The following CSMD1 variants were observed in gnomAD, a reference collection of about 807,000 sequenced individuals.
CSMD1 encodes the protein CUB and Sushi multiple domains 1, also known as CUB and sushi domain-containing protein 1.
Under a neutral mutation model 417.5 loss-of-function variants are expected in CSMD1, and 213 were observed. That is an observed-to-expected ratio of 0.51 (90% confidence interval 0.46 to 0.57). CSMD1 has a LOEUF of 0.57. Ranked by LOEUF, CSMD1 falls within the 20% of genes least tolerant of loss-of-function variation. CSMD1 has a pLI of 0.00. For synonymous variants in CSMD1, 2,862 were observed against 1,736.8 expected (o/e 1.65, Z -16.11); for missense variants, 6,923 against 4,529.7 (o/e 1.53, Z -15.17).
intron 7 of CSMD1, among the ~76,000 whole-genome samples, chr8:3,632,116 C>G (rs572117413): frequency 6.6e-6 from 1 of 152,100 alleles, no homozygotes; most frequent in African/African-American, 2.4e-5. Context: ...TAAAATTGAG[C>G]AAACATTTTC....
intron 1 of CSMD1, among the ~76,000 whole-genome samples, chr8:4,816,696 C>T (rs987101709): frequency 6.6e-6 from 1 of 152,116 alleles, no homozygotes; most frequent in Non-Finnish European, 1.5e-5. Flanking sequence ...ACTTAAACTT[C>T]TACAAAGAAG....
chr8:3,687,028 G>C (rs1214880387), intron 7 of CSMD1, among the ~76,000 whole-genome samples: 3 of 152,138 alleles, frequency 2.0e-5, no homozygotes, highest in Non-Finnish European at 4.4e-5. Context: ...AGTAGGGGTG[G>C]ATGGCAGATG....
At chr8:4,095,256 G>C (rs1800943527) in intron 3 of CSMD1, among the ~76,000 whole-genome samples, 1 of 152,156 alleles carries the variant, frequency 6.6e-6, no homozygotes, top group African/African-American at 2.4e-5. Context: ...TTCCCTAAGA[G>C]GTTCCTCCGA....
intron 1 of CSMD1, chr8:4,788,360 T>A (rs1036357838): frequency 1.3e-6 from 2 of 1,482,984 alleles, no homozygotes; most frequent in East Asian, 4.6e-5. Flanking sequence ...TTATCACCTG[T>A]CCTCCCCTCA....
At chr8:4,326,980 G>A (rs1238327091) in intron 3 of CSMD1, among the ~76,000 whole-genome samples, 1 of 152,082 alleles carries the variant, frequency 6.6e-6, no homozygotes, top group African/African-American at 2.4e-5. Flanking sequence ...GTTAATGAAG[G>A]AACCTGAGAA....
At chr8:3,603,672 T>C (rs1563191287) in intron 8 of CSMD1, among the ~76,000 whole-genome samples, 1 of 152,252 alleles carries the variant, frequency 6.6e-6, no homozygotes, top group South Asian at 2.1e-4. Context: ...CAAACTTGAA[T>C]GTTTTTAAAA....
intron 3 of CSMD1, among the ~76,000 whole-genome samples, chr8:4,333,698 A>T (rs955933946): frequency 6.6e-6 from 1 of 152,100 alleles, no homozygotes; most frequent in Non-Finnish European, 1.5e-5. Context: ...TTTAATGAGA[A>T]AGAGTTGTAG....
Position 4,004,862 on chromosome 8 carries a change from A to G in CSMD1, c.611-6752T>C, listed in dbSNP as rs544982623. Among the ~76,000 whole-genome samples, 2 of 152,164 alleles carry G rather than the reference A, an allele frequency of 1.3e-5. 1 individual carries two copies. The highest frequency in any genetic ancestry group is 4.2e-4 in the South Asian group (2 of 4,818). On this transcript the variant is annotated intron_variant, in intron 4 of 69. Coordinates refer to ENST00000635120, the MANE Select transcript of CSMD1 (RefSeq NM_033225.6). ...CGGGTTCACGCCATTCTCCTGCCTC[A>G]GCCTCCCGAGTAGCTGGGACTACAG...
intron 25 of CSMD1, among the ~76,000 whole-genome samples, chr8:3,301,541 C>T (rs1442399): frequency 0.11 from 17,250 of 152,026 alleles, 1,064 homozygotes; most frequent in Middle Eastern, 0.14. Flanking sequence ...TTGCTGAGCC[C>T]TAAGAGATGG....
chr8:4,581,121 C>A (rs889982281), intron 2 of CSMD1, among the ~76,000 whole-genome samples: 1 of 151,964 alleles, frequency 6.6e-6, no homozygotes, highest in Non-Finnish European at 1.5e-5. Context: ...TGAAAATGAA[C>A]GGTAGAAAGA....
intron 50 of CSMD1, among the ~76,000 whole-genome samples, chr8:3,039,580 A>G (rs1810948247): frequency 6.7e-6 from 1 of 150,314 alleles, no homozygotes; most frequent in Middle Eastern, 3.4e-3. Context: ...CTCATACATT[A>G]TGACAATAAA....
chr8:3,402,171 C>T (rs540868888), intron 15 of CSMD1, among the ~76,000 whole-genome samples: 1 of 152,114 alleles, frequency 6.6e-6, no homozygotes, highest in Non-Finnish European at 1.5e-5. Flanking sequence ...TGTGATAGTG[C>T]ACAACACTAA....
chr8:4,824,928 G>A (rs530078788), intron 1 of CSMD1, among the ~76,000 whole-genome samples: 4 of 152,188 alleles, frequency 2.6e-5, no homozygotes, highest in Non-Finnish European at 2.9e-5. Context: ...CTAACGTAAA[G>A]CCAAGACATT....
intron 26 of CSMD1, among the ~76,000 whole-genome samples, chr8:3,263,193 G>C (rs1323529420): frequency 6.6e-6 from 1 of 152,120 alleles, no homozygotes; most frequent in Non-Finnish European, 1.5e-5. Context: ...CTGCCTCCTG[G>C]GTTCAAGCGA....
intron 1 of CSMD1, among the ~76,000 whole-genome samples, chr8:4,920,385 TG>T (rs1806357232): frequency 6.6e-6 from 1 of 152,232 alleles, no homozygotes; most frequent in African/African-American, 2.4e-5. Context: ...ATGGAAATGC[TG>T]GCAGTATAAA....
At chr8:4,290,354 T>A (rs1276363537) in intron 3 of CSMD1, among the ~76,000 whole-genome samples, 1 of 152,156 alleles carries the variant, frequency 6.6e-6, no homozygotes, top group Non-Finnish European at 1.5e-5. Flanking sequence ...CTCTATGACA[T>A]CTGAATGGAG....
chr8:3,291,188 G>C (rs1199407893), intron 25 of CSMD1, among the ~76,000 whole-genome samples: 1 of 152,146 alleles, frequency 6.6e-6, no homozygotes, highest in East Asian at 1.9e-4. Flanking sequence ...CTTGATCATT[G>C]TGGATAAACT....
chr8:4,912,423 G>A (rs544495115), intron 1 of CSMD1, among the ~76,000 whole-genome samples: 4 of 150,920 alleles, frequency 2.7e-5, no homozygotes, highest in African/African-American at 4.9e-5. Flanking sequence ...CAATGCCATT[G>A]CAGAAAGGCT....
chr8:4,179,488 T>C (rs201712524), intron 3 of CSMD1, among the ~76,000 whole-genome samples: 3 of 151,030 alleles, frequency 2.0e-5, no homozygotes, highest in Non-Finnish European at 4.4e-5. Context: ...GAAGAAAACC[T>C]AGGCATTACC....
Sources: gnomAD v4.1 joint callset for allele counts (sites outside exome capture counted in the v4.1 genomes callset) on GRCh38, gnomAD v4.1.1 for gene constraint, MANE v1.5 for transcripts, NCBI Gene and HGNC (gene_info 2026-07-23, HGNC 2026-07-21) for gene names.